ANXA9: variants seen among roughly 807,000 people sequenced by gnomAD.
The protein encoded by ANXA9 is annexin 31.
Under a neutral mutation model 51.8 loss-of-function variants are expected in ANXA9, and 47 were observed. That is an observed-to-expected ratio of 0.91 (90% CI 0.72 to 1.16). ANXA9 has a LOEUF of 1.16. ANXA9 is among the 50% of genes most tolerant of loss of function. The pLI, the probability that ANXA9 is intolerant of heterozygous loss-of-function variation, is 0.00. For synonymous variants in ANXA9, 154 were observed against 168.7 expected (o/e 0.91, Z 0.68); for missense variants, 361 against 424.7 (o/e 0.85, Z 1.32).
intron 13 of ANXA9, 76 bp downstream of exon 13, chr1:150,994,775 C>G: frequency 1.3e-6 from 2 of 1,578,032 alleles, no homozygotes; most frequent in African/African-American, 2.7e-5. Context: ...CTGCACACAG[C>G]TGAGCATATT....
Position 150,986,433 on chromosome 1 carries a change from G to A in ANXA9, c.552+18G>A. ...TGGCCAAGGTGAGGAGGACTGACCT[G>A]CAAGGAAGGGAGTCACGTTCACCAG... On this transcript the variant is annotated intron_variant, in intron 8 of 13. Coordinates refer to ENST00000368947, the MANE Select transcript of ANXA9 (RefSeq NM_003568.3). 6.2e-7 allele frequency: 1 copy of A among 1,612,612 alleles called. No homozygotes were observed. Among genetic ancestry groups the A allele is most frequent in the Non-Finnish European group, 8.5e-7 (1 of 1,178,760 alleles).
At chr1:150,977,586 G>A (rs4970988), upstream of ANXA9, among the ~76,000 whole-genome samples, 46,760 of 152,150 alleles carry the variant, frequency 0.31, 8,435 homozygotes, top group South Asian at 0.5. Context: ...CTTCAGCCCC[G>A]AGTTTAGATA....
In ANXA9 at chr1:150,984,640, C is replaced by G. The variant is rs200970169; in HGVS notation, c.436C>G (p.Pro146Ala). The G allele has an allele frequency of 9.8e-5, 158 of 1,614,112 alleles. No homozygotes were observed. The highest frequency in any genetic ancestry group is 3.3e-4 in the Admixed American group (20 of 60,008). ...TGAAATTCTTGCCACTCGAACCCCA[C>G]CCCAGCTGCAGGAGTGCCTGGCAGT... ...AIEILATRTPPQLQECLAVYK... is the reference protein window; with the variant it reads ...AIEILATRTPAQLQECLAVYK... The change falls in exon 7 of 14, where the codon CCC (proline) becomes GCC (alanine). Residue 146 changes from proline to alanine, a missense_variant. By Grantham distance (27) the Pro-to-Ala change is conservative (BLOSUM62 -1). Coordinates refer to ENST00000368947, the MANE Select transcript of ANXA9 (RefSeq NM_003568.3).
At chr1:150,987,757 C>T (rs1451385954) in intron 9 of ANXA9, 115 bp from the exon 10 acceptor site, 78 of 862,218 alleles carry the variant, frequency 9.0e-5, no homozygotes, top group Non-Finnish European at 1.1e-4. Context: ...CTTTTCCACC[C>T]TCAATCCCAT....
In ANXA9 at chr1:150,984,640, C is replaced by T. The variant is rs200970169; in HGVS notation, c.436C>T (p.Pro146Ser). 1 of 1,614,112 alleles carries T rather than the reference C, an allele frequency of 6.2e-7. No homozygotes were observed. The highest frequency in any genetic ancestry group is 8.5e-7 in the Non-Finnish European group (1 of 1,180,008). The change falls in exon 7 of 14, where the codon CCC (proline) becomes TCC (serine). Residue 146 changes from proline (P) to serine (S), a missense_variant. By Grantham distance (74) the Pro-to-Ser change is moderately conservative. Transcript: ENST00000368947. ...TGAAATTCTTGCCACTCGAACCCCA[C>T]CCCAGCTGCAGGAGTGCCTGGCAGT... is the stretch of plus-strand genomic sequence containing the variant. The part of the protein sequence containing the change: ...AIEILATRTP[P>S]QLQECLAVYK...
chr1:150,988,217 GTCTC>G (rs755540101), intron 11 of ANXA9, 31 bp downstream of exon 11: 1 of 1,614,224 alleles, frequency 6.2e-7, no homozygotes, highest in Admixed American at 1.7e-5. Context: ...TGTGAAGTAA[GTCTC>G]TCTTGGGATG....
At chr1:150,988,055 C>G in intron 10 of ANXA9, 36 bp from the exon 11 acceptor site, 1 of 1,613,934 alleles carries the variant, frequency 6.2e-7, no homozygotes, top group Non-Finnish European at 8.5e-7. Context: ...AATTAATCCC[C>G]CATCCATCTT....
chr1:150,994,065 G>A (rs921191743), intron 12 of ANXA9, among the ~76,000 whole-genome samples: 1 of 152,186 alleles, frequency 6.6e-6, no homozygotes, highest in South Asian at 2.1e-4. Flanking sequence ...AGATGGGGCT[G>A]TGAGATGGCC....
At chr1:150,981,582 G>A (rs1671416591), upstream of ANXA9, among the ~76,000 whole-genome samples, 4 of 152,206 alleles carry the variant, frequency 2.6e-5, no homozygotes, top group Non-Finnish European at 1.5e-5. Context: ...CTGCCAAAAG[G>A]CAACAGAAGC....
At position 150,994,662 on chromosome 1, in the gene ANXA9, G is replaced by A. The variant is rs375967094; in HGVS notation, c.938G>A (p.Arg313Lys). ...CTTCTGAGTATCAGAGCTGAGTTCAGGAAGAAATTTGGGAAGTCCCTCTAC... is the reference window on the plus strand; with the variant it reads ...CTTCTGAGTATCAGAGCTGAGTTCAAGAAGAAATTTGGGAAGTCCCTCTAC... ...TDLLSIRAEFRKKFGKSLYSS... is the reference protein window; with the variant it reads ...TDLLSIRAEFKKKFGKSLYSS... The change falls in exon 13 of 14, where the codon AGG (arginine) becomes AAG (lysine). Residue 313 changes from arginine to lysine, a missense_variant. Arg to Lys is a conservative substitution (Grantham distance 26). Coordinates refer to ENST00000368947, the MANE Select transcript of ANXA9 (RefSeq NM_003568.3). 88 of 1,614,032 alleles carry A rather than the reference G, an allele frequency of 5.5e-5. 3 individuals carry two copies. In the Middle Eastern group the frequency reaches 1.2e-3, roughly 21 times the overall value.
chr1:150,984,852 A>G (rs1455786336), intron 7 of ANXA9, among the ~76,000 whole-genome samples, 176 bp downstream of exon 7: 1 of 151,902 alleles, frequency 6.6e-6, no homozygotes, highest in Non-Finnish European at 1.5e-5. Context: ...GGAGAGACCC[A>G]GATGTGATCA....
At chr1:150,984,780 G>T in intron 7 of ANXA9, 104 bp downstream of exon 7, 2 of 941,160 alleles carry the variant, frequency 2.1e-6, no homozygotes, top group Non-Finnish European at 1.6e-6. Flanking sequence ...CAACCTGGCT[G>T]CCTAAGTTCT....
chr1:150,984,564 G>T, intron 6 of ANXA9, 22 bp from the exon 7 acceptor site: 1 of 1,610,968 alleles, frequency 6.2e-7, no homozygotes, highest in Non-Finnish European at 8.5e-7. Context: ...CAGTCTGAGA[G>T]TAGACTCCCA....
upstream of ANXA9, among the ~76,000 whole-genome samples, chr1:150,978,846 C>T (rs1671373900): frequency 6.6e-6 from 1 of 151,854 alleles, no homozygotes; most frequent in African/African-American, 2.4e-5. Context: ...TGCCTGTAAT[C>T]CCAGCTACTC....
chr1:150,978,780 A>G (rs1671373053), upstream of ANXA9, among the ~76,000 whole-genome samples: 1 of 152,032 alleles, frequency 6.6e-6, no homozygotes, highest in Admixed American at 6.5e-5. Context: ...CCTGGCCAAC[A>G]TGGTGAAACA....
At position 150,992,915 on chromosome 1, in the gene ANXA9, T is replaced by A. The variant is rs776144725; in HGVS notation, c.853-1662T>A. On this transcript the variant is annotated intron_variant, in intron 12 of 13. Coordinates refer to ENST00000368947, the MANE Select transcript of ANXA9 (RefSeq NM_003568.3). The stretch of plus-strand genomic sequence containing the variant: ...GAGAAGAATGGATACTGGGGAGCAA[T>A]TGGCAATCTTTATGACAATACAAAA... 4.6e-5 allele frequency among the ~76,000 whole-genome samples: 7 copies of A among 152,288 alleles called. No homozygotes were observed. The South Asian group carries it at 1.2e-3, about 27-fold the overall frequency.
rs587651763 is a variant in ANXA9 at position 150,987,943 on chromosome 1, A to G, written c.684A>G (p.Glu228=). Residue 228 remains glutamate, a synonymous_variant, in exon 10 of 14, where the codon GAA becomes GAG. Coordinates refer to ENST00000368947, the MANE Select transcript of ANXA9 (RefSeq NM_003568.3). ...WVPVFTQRNP[E]HLIRVFDQYQ... The stretch of plus-strand genomic sequence containing the variant: ...CAGTCTTCACCCAGCGAAATCCTGA[A>G]CACCTCATCCGAGGTACACACAAGC... The G allele has an allele frequency of 1.9e-5, 31 of 1,614,068 alleles. No homozygotes were observed. The South Asian group carries it at 2.9e-4, about 15-fold the overall frequency.
chr1:150,992,898 T>C (rs587671366), intron 12 of ANXA9, among the ~76,000 whole-genome samples: 1 of 152,306 alleles, frequency 6.6e-6, no homozygotes, highest in Non-Finnish European at 1.5e-5. Flanking sequence ...AAGAGAAGAA[T>C]GGATACTGGG....
At chr1:150,994,984 C>A in intron 13 of ANXA9, 1 of 289,282 alleles carries the variant, frequency 3.5e-6, no homozygotes. Context: ...CCCAGCTACT[C>A]AGGAGGCTGA....
Sources: allele counts gnomAD v4.1 joint callset (sites outside exome capture counted in the v4.1 genomes callset), GRCh38; gene constraint gnomAD v4.1.1; transcripts MANE v1.5; gene names NCBI Gene and HGNC (gene_info 2026-07-23, HGNC 2026-07-21).